The following KLB variants were observed in gnomAD, a reference collection of about 807,000 sequenced individuals.
The protein encoded by KLB is klotho beta.
Under a neutral mutation model 88.4 loss-of-function variants are expected in KLB, and 44 were observed. That is an observed-to-expected ratio of 0.50 (90% CI 0.39 to 0.64). KLB has a LOEUF of 0.64. KLB is among the 30% of genes least tolerant of loss of function. The pLI, the probability that KLB is intolerant of heterozygous loss-of-function variation, is 0.00. For missense variants in KLB, 1,137 were observed against 1,304.8 expected (o/e 0.87, Z 1.98); for synonymous variants, 548 against 513.4 (o/e 1.07, Z -0.91).
At chr4:39,415,069 C>A (rs985733139) in intron 1 of KLB, among the ~76,000 whole-genome samples, 1 of 151,742 alleles carries the variant, frequency 6.6e-6, no homozygotes, top group African/African-American at 2.4e-5. Flanking sequence ...TGTGCCACCA[C>A]TCACGGCTAA....
intron 1 of KLB, among the ~76,000 whole-genome samples, chr4:39,422,107 G>T (rs555564235): frequency 3.9e-5 from 6 of 152,230 alleles, no homozygotes; most frequent in African/African-American, 1.4e-4. Flanking sequence ...TGTCATGTCT[G>T]TTGCATACCC....
At chr4:39,430,063 T>G (rs548756902) in intron 1 of KLB, among the ~76,000 whole-genome samples, 19 of 152,246 alleles carry the variant, frequency 1.2e-4, no homozygotes, top group African/African-American at 4.6e-4. Flanking sequence ...TGCAAAGATA[T>G]GTCTTCTGAG....
rs759717089 is a variant in KLB, at chr4:39,437,724, C to A, written c.1337-3C>A. The A allele has an allele frequency of 6.2e-7, 1 of 1,601,736 alleles. No homozygotes were observed. The highest frequency in any genetic ancestry group is 1.7e-5 in the Admixed American group (1 of 58,592). ...ACATCTCTGCTTTCTTTTCTCTGTGCAGCAATAAGGTTAGATGAAATACGA... is the reference window on the plus strand; with the variant it reads ...ACATCTCTGCTTTCTTTTCTCTGTGAAGCAATAAGGTTAGATGAAATACGA... On this transcript the variant is annotated splice_region_variant and splice_polypyrimidine_tract_variant and intron_variant, in intron 2 of 4. Transcript: ENST00000257408.
intron 1 of KLB, among the ~76,000 whole-genome samples, chr4:39,418,863 G>A (rs766434592): frequency 1.3e-5 from 2 of 150,216 alleles, no homozygotes; most frequent in Non-Finnish European, 3.0e-5. Context: ...CAGGAGAATC[G>A]CTTGAACCCA....
At chr4:39,427,235 C>T (rs1186536881) in intron 1 of KLB, among the ~76,000 whole-genome samples, 1 of 152,120 alleles carries the variant, frequency 6.6e-6, no homozygotes, top group Non-Finnish European at 1.5e-5. Context: ...GTAATCCCAG[C>T]ACTTTGGGAG....
intron 2 of KLB, 73 bp downstream of exon 2, chr4:39,434,793 T>G: frequency 8.4e-7 from 1 of 1,187,024 alleles, no homozygotes; most frequent in Non-Finnish European, 1.2e-6. Context: ...CCTTTGAATA[T>G]GTAACTATTA....
intron 4 of KLB, 68 bp from the exon 5 acceptor site, chr4:39,448,228 TGAAAA>T (rs1157866376): frequency 8.2e-7 from 1 of 1,215,194 alleles, no homozygotes; most frequent in African/African-American, 1.5e-5. Flanking sequence ...CTTGTTTCAA[TGAAAA>T]CTAAATTCTT....
intron 3 of KLB, among the ~76,000 whole-genome samples, chr4:39,443,904 C>A (rs553922541): frequency 6.6e-6 from 1 of 152,028 alleles, no homozygotes; most frequent in African/African-American, 2.4e-5. Context: ...CACCTGTAAT[C>A]CCAGCACTTT....
intron 1 of KLB, among the ~76,000 whole-genome samples, chr4:39,410,865 C>G (rs1742824618): frequency 6.6e-6 from 1 of 152,124 alleles, no homozygotes; most frequent in African/African-American, 2.4e-5. Flanking sequence ...CTGGAAAACT[C>G]CATCTCGGTT....
At position 39,419,590 on chromosome 4, in the gene KLB, A is replaced by G. The variant is rs796764710; in HGVS notation, c.825+11816A>G. 8.4e-4 allele frequency among the ~76,000 whole-genome samples: 128 copies of G among 152,130 alleles called. 1 individual carries two copies. The highest frequency in any genetic ancestry group is 3.0e-3 in the African/African-American group (126 of 41,492). ...GGAGTTCAACACCAGCCTGGCCAACATAGTGAAACCTGTCTCTACTGAAAA... is the reference window on the plus strand; with the variant it reads ...GGAGTTCAACACCAGCCTGGCCAACGTAGTGAAACCTGTCTCTACTGAAAA... On this transcript the variant is annotated intron_variant, in intron 1 of 4. Coordinates refer to ENST00000257408, the MANE Select transcript of KLB (RefSeq NM_175737.4).
intron 1 of KLB, among the ~76,000 whole-genome samples, chr4:39,424,778 G>C (rs531664409): frequency 1.3e-5 from 2 of 151,962 alleles, no homozygotes; most frequent in African/African-American, 4.8e-5. Context: ...ACAGGCATGT[G>C]CCACCACGCC....
chr4:39,443,477 G>T (rs1481787494), intron 3 of KLB, among the ~76,000 whole-genome samples: 3 of 151,820 alleles, frequency 2.0e-5, no homozygotes, highest in African/African-American at 7.3e-5. Context: ...AGGCTCGATG[G>T]CTCACACCTG....
intron 1 of KLB, among the ~76,000 whole-genome samples, chr4:39,422,814 T>G (rs1262956111): frequency 6.6e-6 from 1 of 151,674 alleles, no homozygotes; most frequent in Non-Finnish European, 1.5e-5. Flanking sequence ...CACACTGGAG[T>G]GCAGTGGTGT....
intron 1 of KLB, among the ~76,000 whole-genome samples, chr4:39,413,051 A>G (rs1441377447): frequency 2.0e-5 from 3 of 152,170 alleles, no homozygotes; most frequent in Non-Finnish European, 4.4e-5. Flanking sequence ...CAGTAACCAG[A>G]CCACAGGGAT....
intron 3 of KLB, among the ~76,000 whole-genome samples, chr4:39,438,573 G>A (rs1242032941): frequency 6.6e-6 from 1 of 151,886 alleles, no homozygotes; most frequent in Admixed American, 6.6e-5. Context: ...TAGCGTACTC[G>A]CCACCACCTG....
chr4:39,417,286 C>T (rs1742985271), intron 1 of KLB, among the ~76,000 whole-genome samples: 1 of 151,924 alleles, frequency 6.6e-6, no homozygotes, highest in African/African-American at 2.4e-5. Flanking sequence ...TTTCCCCTCC[C>T]ACATCAAAAA....
intron 3 of KLB, among the ~76,000 whole-genome samples, chr4:39,440,672 C>G (rs1480096078): frequency 6.6e-6 from 1 of 152,178 alleles, no homozygotes; most frequent in Non-Finnish European, 1.5e-5. Context: ...ATTCTCCTGT[C>G]TCAGCCTCCT....
At chr4:39,438,646 G>A (rs530438143) in intron 3 of KLB, among the ~76,000 whole-genome samples, 1 of 152,310 alleles carries the variant, frequency 6.6e-6, no homozygotes, top group South Asian at 2.1e-4. Context: ...TAGAATGCAA[G>A]CTGCATAAGA....
At chr4:39,435,367 C>T (rs1048228767) in intron 2 of KLB, among the ~76,000 whole-genome samples, 3 of 152,096 alleles carry the variant, frequency 2.0e-5, no homozygotes, top group African/African-American at 7.2e-5. Flanking sequence ...ATCCACTCGC[C>T]TCGGCCTCCC....
Sources: gnomAD v4.1 joint callset for allele counts (sites outside exome capture counted in the v4.1 genomes callset) on GRCh38, gnomAD v4.1.1 for gene constraint, MANE v1.5 for transcripts, NCBI Gene and HGNC (gene_info 2026-07-23, HGNC 2026-07-21) for gene names.